Variants in MEP1A observed in about 807,000 individuals in gnomAD.
MEP1A encodes N-benzoyl-L-tyrosyl-P-amino-benzoic acid hydrolase subunit alpha.
Under a neutral mutation model 84.5 loss-of-function variants are expected in MEP1A, and 68 were observed. That is an observed-to-expected ratio of 0.80 (90% CI 0.66 to 0.98). The LOEUF is 0.98. Among genes scored for constraint, MEP1A ranks in the 50% least tolerant of loss-of-function variants. The probability of loss-of-function intolerance (pLI) is 0.00; values close to 1 mark genes in which losing one functional copy is unlikely to be tolerated. For missense variants in MEP1A, 887 were observed against 919.9 expected (o/e 0.96, Z 0.46); for synonymous variants, 337 against 336.8 (o/e 1.00, Z -0.01).
rs1767121344 is a variant in MEP1A, at chr6:46,798,638, C to G, written c.178C>G (p.Leu60Val). The change falls in exon 4 of 14, where the codon CTC becomes GTC. Residue 60 changes from leucine (L) to valine (V), a missense_variant. Coordinates refer to ENST00000230588, the MANE Select transcript of MEP1A (RefSeq NM_005588.3). ...AGLDLFQGDILLQKSRNGLRD... is the reference protein window; with the variant it reads ...AGLDLFQGDIVLQKSRNGLRD... ...CTTGGACCTCTTTCAAGGGGACATCCTCTTGCAGGTGAGTACCTGTCAATG... is the reference window on the plus strand; with the variant it reads ...CTTGGACCTCTTTCAAGGGGACATCGTCTTGCAGGTGAGTACCTGTCAATG... The G allele has an allele frequency of 3.1e-6, 5 of 1,613,802 alleles. No homozygotes were observed. Among genetic ancestry groups the G allele is most frequent in the African/African-American group, 1.3e-5 (1 of 74,914 alleles).
At chr6:46,806,739 T>A (rs992474432) in intron 5 of MEP1A, among the ~76,000 whole-genome samples, 1 of 152,052 alleles carries the variant, frequency 6.6e-6, no homozygotes, top group Non-Finnish European at 1.5e-5. Flanking sequence ...TTTCTAGGAC[T>A]TTCTCCCTTG....
Position 46,819,229 on chromosome 6 carries a change from C to A in MEP1A, c.381-300C>A, listed in dbSNP as rs149731080. Among the ~76,000 whole-genome samples the A allele has an allele frequency of 1.7e-3, 256 of 152,258 alleles. 3 individuals are homozygous for A. The highest frequency in any genetic ancestry group is 5.4e-3 in the African/African-American group (225 of 41,552). ...GGGTTTGTGGAGGTGAGAAGGAATG[C>A]CAATGTTTATTGCTTTCTACCTTGA... On this transcript the variant is annotated intron_variant, in intron 6 of 13. Transcript: ENST00000230588.
rs545411129 is a variant in MEP1A, at chr6:46,822,512, A to G, written c.557-2760A>G. 8.4e-4 allele frequency among the ~76,000 whole-genome samples: 128 copies of G among 152,298 alleles called. 2 individuals carry two copies. Among genetic ancestry groups the G allele is most frequent in the African/African-American group, 2.8e-3 (118 of 41,562 alleles). ...ATTCTCATAAGAATCCATGAGTAAC[A>G]CAGATTAAAATAATCTATTCTAACC... On this transcript the variant is annotated intron_variant, in intron 7 of 13. Transcript: ENST00000230588.
At chr6:46,841,486 A>C (rs1768330517), downstream of MEP1A, among the ~76,000 whole-genome samples, 3 of 152,210 alleles carry the variant, frequency 2.0e-5, no homozygotes, top group Admixed American at 1.3e-4. Context: ...GAGGGCATGT[A>C]GGGTGGGGAG....
intron 6 of MEP1A, among the ~76,000 whole-genome samples, chr6:46,813,971 C>T (rs1006438145): frequency 5.3e-5 from 8 of 152,172 alleles, no homozygotes; most frequent in African/African-American, 1.7e-4. Context: ...TTTTGCTTCA[C>T]AGCTCTTAAG....
At chr6:46,798,242 A>G (rs2150739491) in intron 3 of MEP1A, among the ~76,000 whole-genome samples, 1 of 152,274 alleles carries the variant, frequency 6.6e-6, no homozygotes. Flanking sequence ...TGCTGGGATT[A>G]CAGGCATGAG....
intron 7 of MEP1A, among the ~76,000 whole-genome samples, chr6:46,824,700 T>C (rs1767866633): frequency 7.7e-6 from 1 of 129,534 alleles, no homozygotes; most frequent in South Asian, 2.4e-4. Flanking sequence ...ATAAATTATG[T>C]ATTTAAATAG....
Position 46,819,641 on chromosome 6 carries a change from C to A in MEP1A, c.493C>A (p.His165Asn). The A allele has an allele frequency of 6.2e-7, 1 of 1,614,046 alleles. No individual in the cohort carries two copies. Among genetic ancestry groups the A allele is most frequent in the Non-Finnish European group, 8.5e-7 (1 of 1,179,974 alleles). The change falls in exon 7 of 14, where the codon CAC becomes AAC. Residue 165 changes from histidine (H) to asparagine (N), a missense_variant. By Grantham distance (68) the His-to-Asn change is moderately conservative (BLOSUM62 1). Coordinates refer to ENST00000230588, the MANE Select transcript of MEP1A (RefSeq NM_005588.3). The part of the protein sequence containing the change: ...HEILHALGFY[H>N]EQSRTDRDDY... ...GATCCTGCATGCTTTGGGATTTTAC[C>A]ACGAGCAGTCAAGGACGGACCGGGA...
At position 46,833,080 on chromosome 6, in the gene MEP1A, A is replaced by T; in HGVS notation, c.1151A>T (p.Asp384Val). 1.3e-6 allele frequency: 2 copies of T among 1,519,006 alleles called. No homozygotes were observed. The highest frequency in any genetic ancestry group is 1.8e-6 in the Non-Finnish European group (2 of 1,135,266). The allele number at this position is 1,519,006 out of a possible 1,614,324, so 94.1% of individuals were successfully genotyped here. A position where few individuals can be genotyped will look rare whatever the true frequency, so the allele number is the denominator to read the frequency against. Residue 384 changes from aspartate to valine, a missense_variant, in exon 11 of 14, where the codon GAT becomes GTT. Coordinates refer to ENST00000230588, the MANE Select transcript of MEP1A (RefSeq NM_005588.3). ...CCTTGTTCTCTGTCCTCAGGAGATG[A>T]TGACCACAATTGGAAAATTGCCCAT... The part of the protein sequence containing the change: ...LVKVQTFQGD[D>V]DHNWKIAHVV...
intron 5 of MEP1A, among the ~76,000 whole-genome samples, chr6:46,805,306 C>T (rs1767288622): frequency 6.6e-6 from 1 of 151,868 alleles, no homozygotes; most frequent in South Asian, 2.1e-4. Context: ...CATGCCTTTG[C>T]TAACATTTGG....
chr6:46,823,814 A>G (rs376468208), intron 7 of MEP1A, among the ~76,000 whole-genome samples: 22 of 152,324 alleles, frequency 1.4e-4, no homozygotes, highest in African/African-American at 5.1e-4. Flanking sequence ...TTATTAGTCA[A>G]TTCAAAGACC....
At chr6:46,831,330 T>C (rs952889410) in intron 10 of MEP1A, among the ~76,000 whole-genome samples, 10 of 152,212 alleles carry the variant, frequency 6.6e-5, no homozygotes, top group Admixed American at 5.9e-4. Context: ...ATATAATATA[T>C]GTTACATACA....
rs1161247154 is a variant in MEP1A, at chr6:46,793,518, C to T, written c.70-34C>T. On this transcript the variant is annotated intron_variant, in intron 1 of 13. Transcript: ENST00000230588. ...ATTTAGAAATATTAATTCTAGTATA[C>T]ATTATCCATTTTCTGTATATTTATT... The T allele has an allele frequency of 4.4e-6, 7 of 1,574,910 alleles. No homozygotes were observed. In the South Asian group the frequency reaches 8.0e-5, roughly 18 times the overall value.
intron 6 of MEP1A, among the ~76,000 whole-genome samples, chr6:46,810,707 C>G (rs573850962): frequency 1.3e-5 from 2 of 152,048 alleles, no homozygotes; most frequent in Non-Finnish European, 2.9e-5. Flanking sequence ...ATCCCAGCAC[C>G]GTTTATTGAA....
At chr6:46,837,115 C>A (rs1581691602) in intron 13 of MEP1A, among the ~76,000 whole-genome samples, 1 of 152,144 alleles carries the variant, frequency 6.6e-6, no homozygotes, top group East Asian at 1.9e-4. Context: ...ACACATCCTG[C>A]TGCAATACTC....
chr6:46,831,350 T>C (rs1401325628), intron 10 of MEP1A, among the ~76,000 whole-genome samples: 1 of 152,204 alleles, frequency 6.6e-6, no homozygotes, highest in Admixed American at 6.5e-5. Context: ...ATAATGCTTA[T>C]ATACAAACTT....
downstream of MEP1A, among the ~76,000 whole-genome samples, chr6:46,843,020 G>T (rs1156280810): frequency 1.3e-5 from 2 of 152,144 alleles, no homozygotes; most frequent in Admixed American, 1.3e-4. Flanking sequence ...CCACCTCCAA[G>T]CCTCTTGGAT....
chr6:46,795,271 A>T (rs938921249), intron 3 of MEP1A, among the ~76,000 whole-genome samples: 2 of 151,942 alleles, frequency 1.3e-5, no homozygotes, highest in African/African-American at 4.8e-5. Flanking sequence ...ATGTTATTCG[A>T]TCTACTCGAT....
intron 10 of MEP1A, among the ~76,000 whole-genome samples, chr6:46,830,122 C>T (rs111971156): frequency 2.6e-5 from 4 of 151,670 alleles, no homozygotes; most frequent in South Asian, 2.1e-4. Context: ...GTGGCGCGCG[C>T]GCATGTAGTC....
Sources: gnomAD v4.1 joint callset for allele counts (sites outside exome capture counted in the v4.1 genomes callset) on GRCh38, gnomAD v4.1.1 for gene constraint, MANE v1.5 for transcripts, NCBI Gene and HGNC (gene_info 2026-07-23, HGNC 2026-07-21) for gene names.